Variants in AFG2A observed in about 807,000 individuals in gnomAD.
AFG2A encodes ATPase family gene 2 protein homolog A.
the AFG2A span, among the ~76,000 whole-genome samples, chr4:123,233,820 A>G: frequency 1.3e-5 from 2 of 152,124 alleles, no homozygotes; most frequent in African/African-American, 4.8e-5. Context: ...AATACTTTCC[A>G]AGACTTTAAG....
chr4:123,077,131 T>C, the AFG2A span, among the ~76,000 whole-genome samples: 1 of 147,598 alleles, frequency 6.8e-6, no homozygotes, highest in South Asian at 2.3e-4. Flanking sequence ...CACTGCAAGC[T>C]CCGCCTCCTG....
the AFG2A span, among the ~76,000 whole-genome samples, chr4:123,121,197 A>G: frequency 1.3e-5 from 2 of 151,682 alleles, no homozygotes; most frequent in African/African-American, 4.8e-5. Flanking sequence ...ATTTTTGTGC[A>G]GCTGTATAAC....
the AFG2A span, among the ~76,000 whole-genome samples, chr4:123,010,412 C>G: frequency 6.6e-6 from 1 of 151,530 alleles, no homozygotes. Flanking sequence ...TTTTTTTTTC[C>G]CAGACTGTAA....
the AFG2A span, chr4:122,979,164 G>A: frequency 1.3e-6 from 2 of 1,538,448 alleles, 1 homozygote; most frequent in Non-Finnish European, 1.8e-6. Flanking sequence ...TGGGCCACCG[G>A]AGCCATCAAT....
the AFG2A span, among the ~76,000 whole-genome samples, chr4:123,212,262 A>T: frequency 6.6e-6 from 1 of 151,802 alleles, no homozygotes; most frequent in Non-Finnish European, 1.5e-5. Flanking sequence ...TAGCCTCCCA[A>T]TTTATTTTCT....
At chr4:123,183,749 T>C in the AFG2A span, among the ~76,000 whole-genome samples, 7 of 152,014 alleles carry the variant, frequency 4.6e-5, no homozygotes, top group Admixed American at 4.6e-4. Flanking sequence ...CCCAACCTGG[T>C]TTTTCTTGTT....
the AFG2A span, among the ~76,000 whole-genome samples, chr4:123,215,367 A>G: frequency 6.6e-6 from 1 of 152,126 alleles, no homozygotes; most frequent in Non-Finnish European, 1.5e-5. Context: ...AAGGCTAGAA[A>G]TTATTGGATA....
At chr4:123,007,645 ACACACAC>A in the AFG2A span, among the ~76,000 whole-genome samples, 2 of 32,338 alleles carry the variant, frequency 6.2e-5, no homozygotes, top group East Asian at 2.7e-3. Context: ...CACACACAAC[ACACACAC>A]ACACACACAC....
At chr4:122,944,198 G>A in the AFG2A span, among the ~76,000 whole-genome samples, 1 of 152,156 alleles carries the variant, frequency 6.6e-6, no homozygotes, top group African/African-American at 2.4e-5. Flanking sequence ...GCTAGATTGG[G>A]GAAGTTCTCT....
chr4:123,306,954 A>T, the AFG2A span, among the ~76,000 whole-genome samples: 3 of 152,162 alleles, frequency 2.0e-5, no homozygotes, highest in South Asian at 6.2e-4. Context: ...TGGTGAAGGG[A>T]TTAGGGGAAA....
the AFG2A span, among the ~76,000 whole-genome samples, chr4:123,086,752 C>G: frequency 6.6e-6 from 1 of 151,868 alleles, no homozygotes; most frequent in African/African-American, 2.4e-5. Context: ...CTTATCCTTG[C>G]TTTTCAGTTT....
chr4:123,259,626 T>G, the AFG2A span, among the ~76,000 whole-genome samples: 1 of 152,228 alleles, frequency 6.6e-6, no homozygotes, highest in African/African-American at 2.4e-5. Flanking sequence ...GTTATCACTA[T>G]TGTTTTCTTT....
At chr4:123,177,518 A>AT in the AFG2A span, among the ~76,000 whole-genome samples, 2 of 151,934 alleles carry the variant, frequency 1.3e-5, no homozygotes, top group Non-Finnish European at 2.9e-5. Flanking sequence ...CCAGACCTTG[A>AT]TTTTTTTAGG....
At chr4:123,237,725 G>C in the AFG2A span, among the ~76,000 whole-genome samples, 1 of 146,602 alleles carries the variant, frequency 6.8e-6, no homozygotes, top group African/African-American at 2.6e-5. Context: ...GGGCCAAATA[G>C]GAACAGCTCT....
chr4:122,956,339 G>A, the AFG2A span, among the ~76,000 whole-genome samples: 1 of 152,198 alleles, frequency 6.6e-6, no homozygotes, highest in Non-Finnish European at 1.5e-5. Context: ...TGTGATAGAA[G>A]TATCAGACAG....
chr4:122,992,265 A>G, the AFG2A span, among the ~76,000 whole-genome samples: 1 of 152,200 alleles, frequency 6.6e-6, no homozygotes, highest in Non-Finnish European at 1.5e-5. Context: ...TTTACAATCC[A>G]TGGACTTGTG....
chr4:122,989,420 A>G, the AFG2A span, among the ~76,000 whole-genome samples: 4 of 152,124 alleles, frequency 2.6e-5, no homozygotes, highest in African/African-American at 9.7e-5. Flanking sequence ...GCCTGAGGCC[A>G]CAGGGACAGT....
chr4:123,177,080 C>A, the AFG2A span, among the ~76,000 whole-genome samples: 5 of 151,984 alleles, frequency 3.3e-5, no homozygotes, highest in Non-Finnish European at 7.4e-5. Flanking sequence ...CCAGAGAAAC[C>A]AAGTTTATTA....
At chr4:123,080,145 G>A in the AFG2A span, among the ~76,000 whole-genome samples, 8,227 of 152,128 alleles carry the variant, frequency 0.054, 526 homozygotes, top group African/African-American at 0.16. Context: ...CCCTAACCCC[G>A]AATGTGATGG....
Sources: gnomAD v4.1 joint callset for allele counts (sites outside exome capture counted in the v4.1 genomes callset) on GRCh38, gnomAD v4.1.1 for gene constraint, MANE v1.5 for transcripts, NCBI Gene and HGNC (gene_info 2026-07-23, HGNC 2026-07-21) for gene names.